The following OTOA variants were observed in gnomAD, a reference collection of about 807,000 sequenced individuals.
OTOA encodes cancer/testis antigen 108.
OTOA carries 70 observed loss-of-function variants against 110.8 expected under a neutral mutation model. That is an observed-to-expected ratio of 0.63 (90% CI 0.52 to 0.77). The LOEUF (loss-of-function observed/expected upper bound fraction) is 0.77, where lower values mean the gene tolerates loss of function less well. Among genes scored for constraint, OTOA ranks in the 30% least tolerant of loss-of-function variants. OTOA has a pLI of 0.00. For synonymous variants in OTOA, 373 were observed against 431.5 expected (o/e 0.86, Z 1.68); for missense variants, 917 against 1,075.8 (o/e 0.85, Z 2.06).
At chr16:21,685,475 C>A in intron 7 of OTOA, 114 bp downstream of exon 7, 1 of 1,419,292 alleles carries the variant, frequency 7.0e-7, no homozygotes, top group Non-Finnish European at 9.6e-7. Context: ...CTCTTCCTCT[C>A]TCCTTCTGCC....
intron 1 of OTOA, among the ~76,000 whole-genome samples, chr16:21,666,243 A>ATTTTTTTTTT (rs61085785): frequency 4.6e-5 from 6 of 129,040 alleles, no homozygotes; most frequent in African/African-American, 8.8e-5. Context: ...ATGAAATGGC[A>ATTTTTTTTTT]TTTTTTTTTT....
chr16:21,727,535 C>T (rs1364320435), intron 19 of OTOA, among the ~76,000 whole-genome samples: 1 of 152,178 alleles, frequency 6.6e-6, no homozygotes, highest in African/African-American at 2.4e-5. Flanking sequence ...ACATAGGAAA[C>T]ACACAATAAA....
chr16:21,734,089 G>A (rs1388324142), intron 21 of OTOA, among the ~76,000 whole-genome samples: 5 of 151,074 alleles, frequency 3.3e-5, no homozygotes, highest in Admixed American at 6.6e-5. Context: ...GTGAGCCACC[G>A]CACCTGACCT....
At chr16:21,693,479 G>A (rs2141667586) in intron 9 of OTOA, among the ~76,000 whole-genome samples, 1 of 152,218 alleles carries the variant, frequency 6.6e-6, no homozygotes, top group African/African-American at 2.4e-5. Context: ...CGGCCCTATT[G>A]TTTTATTGTG....
At chr16:21,677,326 G>T in intron 1 of OTOA, among the ~76,000 whole-genome samples, 1 of 152,208 alleles carries the variant, frequency 6.6e-6, no homozygotes, top group African/African-American at 2.4e-5. Context: ...ACCAACATTT[G>T]ATAGTCAGTC....
chr16:21,729,211 T>A (rs1372401203), intron 20 of OTOA, among the ~76,000 whole-genome samples: 2 of 150,456 alleles, frequency 1.3e-5, no homozygotes, highest in African/African-American at 4.9e-5. Flanking sequence ...ATTTTTGTAT[T>A]TTTTTTTAAG....
intron 18 of OTOA, among the ~76,000 whole-genome samples, chr16:21,725,744 G>A (rs144679746): frequency 1.2e-4 from 19 of 152,236 alleles, no homozygotes; most frequent in Non-Finnish European, 2.4e-4. Context: ...TGAGTAGGCC[G>A]GATGGGTTTC....
intron 11 of OTOA, chr16:21,704,826 G>A (rs1898123385): frequency 2.7e-6 from 2 of 735,962 alleles, no homozygotes; most frequent in South Asian, 1.5e-5. Context: ...AGGGTAATGA[G>A]ACTTGATCTG....
At chr16:21,716,868 T>C in intron 14 of OTOA, 39 bp from the exon 15 acceptor site, 1 of 1,612,750 alleles carries the variant, frequency 6.2e-7, no homozygotes, top group Non-Finnish European at 8.5e-7. Flanking sequence ...CTCAATGCAT[T>C]TTTTACAATG....
intron 28 of OTOA, among the ~76,000 whole-genome samples, chr16:21,758,838 C>T (rs1048334214): frequency 2.0e-4 from 31 of 151,636 alleles, no homozygotes; most frequent in African/African-American, 7.3e-4. Context: ...CCCGTCTCTA[C>T]TAAAAATACA....
intron 13 of OTOA, among the ~76,000 whole-genome samples, chr16:21,714,369 C>CTT (rs1567384384): frequency 2.6e-5 from 3 of 117,172 alleles, no homozygotes; most frequent in South Asian, 3.0e-4. Flanking sequence ...CTCTTTCTTT[C>CTT]TCTCTCTTTC....
intron 11 of OTOA, among the ~76,000 whole-genome samples, chr16:21,701,928 C>A (rs954329256): frequency 6.7e-6 from 1 of 150,146 alleles, no homozygotes; most frequent in South Asian, 2.1e-4. Flanking sequence ...TGAGCCACCA[C>A]GCCTGGCCCA....
intron 17 of OTOA, among the ~76,000 whole-genome samples, chr16:21,722,485 T>C (rs997377645): frequency 6.6e-6 from 1 of 151,242 alleles, no homozygotes; most frequent in African/African-American, 2.4e-5. Flanking sequence ...TTTTACATTA[T>C]ATATAATATA....
At chr16:21,721,336 T>C (rs1161897019) in intron 17 of OTOA, 1 of 455,714 alleles carries the variant, frequency 2.2e-6, no homozygotes, top group Non-Finnish European at 4.4e-6. Flanking sequence ...GCAGTTGTTC[T>C]CAACAGAGTA....
chr16:21,681,745 G>T lies in OTOA; in HGVS notation c.187G>T (p.Val63Leu), dbSNP rs755864812. The T allele has an allele frequency of 3.1e-6, 5 of 1,613,650 alleles. No individual in the cohort carries two copies. Among genetic ancestry groups the T allele is most frequent in the Non-Finnish European group, 3.4e-6 (4 of 1,179,648 alleles). The change falls in exon 6 of 29, where the codon GTG becomes TTG. Residue 63 changes from valine to leucine, a missense_variant. Val to Leu is a conservative substitution (Grantham distance 32, BLOSUM62 1). Around this residue, in one of 6 missense-constraint regions of OTOA, gnomAD observed 840 missense variants for 910.2 expected, o/e 0.92. Coordinates refer to ENST00000646100, the MANE Select transcript of OTOA (RefSeq NM_144672.4). The part of the protein sequence containing the change: ...LDLIQFQSSH[V>L]WTDDLSHRVL... Reference sequence around the variant, plus strand: ...GTCTGTCTTCAACTGAAGCTCCCACGTGTGGACGGATGACCTGTCCCACAG... The same window carrying T: ...GTCTGTCTTCAACTGAAGCTCCCACTTGTGGACGGATGACCTGTCCCACAG...
intron 15 of OTOA, among the ~76,000 whole-genome samples, chr16:21,717,807 G>A (rs1770691232): frequency 6.6e-6 from 1 of 152,094 alleles, no homozygotes; most frequent in Non-Finnish European, 1.5e-5. Context: ...ACAGTGCTGA[G>A]TGTGCAAAAG....
intron 9 of OTOA, among the ~76,000 whole-genome samples, chr16:21,695,912 T>TTTTTTGG (rs1897930934): frequency 7.4e-6 from 1 of 135,896 alleles, no homozygotes; most frequent in African/African-American, 2.8e-5. Flanking sequence ...TTTTTTTTTC[T>TTTTTTGG]GAGATGGAGT....
intron 9 of OTOA, among the ~76,000 whole-genome samples, chr16:21,695,866 GATATATATATATAT>G (rs71151648): frequency 1.4e-5 from 1 of 72,718 alleles, no homozygotes; most frequent in Non-Finnish European, 2.3e-5. Flanking sequence ...CTAGACTTGA[GATATATATATATAT>G]ATATATATAT....
chr16:21,687,291 T>C, intron 7 of OTOA, 122 bp from the exon 8 acceptor site: 2 of 821,150 alleles, frequency 2.4e-6, no homozygotes, highest in Admixed American at 1.9e-5. Context: ...AGTTTCAACA[T>C]AGCAGCATGG....
Sources: gnomAD v4.1 joint callset for allele counts (sites outside exome capture counted in the v4.1 genomes callset) on GRCh38, gnomAD v4.1.1 for gene constraint, gnomAD v4.1.1 regional missense constraint, MANE v1.5 for transcripts, NCBI Gene and HGNC (gene_info 2026-07-23, HGNC 2026-07-21) for gene names.